Variants in TFEB observed in about 807,000 individuals in gnomAD.
TFEB encodes the protein T-cell transcription factor EB.
Under a neutral mutation model 48.0 loss-of-function variants are expected in TFEB, and 12 were observed. The observed-to-expected ratio is 0.25, with a 90% CI of 0.16 to 0.40. The LOEUF (loss-of-function observed/expected upper bound fraction) is 0.40. TFEB is among the 10% of genes least tolerant of loss of function. TFEB has a pLI of 1.00. For missense variants in TFEB, 509 were observed against 640.3 expected (o/e 0.79, Z 2.21); for synonymous variants, 244 against 261.4 (o/e 0.93, Z 0.64).
intron 1 of TFEB, among the ~76,000 whole-genome samples, chr6:41,716,222 A>T (rs1422287597): frequency 6.6e-6 from 1 of 152,218 alleles, no homozygotes; most frequent in Non-Finnish European, 1.5e-5. Context: ...AAGTTTACAC[A>T]GCTAGGAAAG....
chr6:41,687,241 A>C, intron 6 of TFEB, 72 bp from the exon 7 acceptor site: 1 of 1,473,570 alleles, frequency 6.8e-7, no homozygotes, highest in Non-Finnish European at 9.5e-7. Context: ...AGAAGTACCC[A>C]GCCCAGGGAG....
chr6:41,717,772 A>C (rs1014322504), intron 1 of TFEB, among the ~76,000 whole-genome samples: 5 of 152,208 alleles, frequency 3.3e-5, no homozygotes, highest in Non-Finnish European at 2.9e-5. Flanking sequence ...GAAGAGGAAG[A>C]GGTATCCTGG....
chr6:41,728,545 G>T (rs1771309431), intron 1 of TFEB, among the ~76,000 whole-genome samples: 1 of 152,150 alleles, frequency 6.6e-6, no homozygotes, highest in Admixed American at 6.5e-5. Flanking sequence ...CACCCCTCAG[G>T]GACTGTGGGG....
chr6:41,690,945 AGGG>A, intron 2 of TFEB, 28 bp from the exon 3 acceptor site: 1 of 1,516,044 alleles, frequency 6.6e-7, no homozygotes, highest in Non-Finnish European at 9.0e-7. Context: ...CAAGGGCTCT[AGGG>A]GAGGCTGGGA....
chr6:41,700,368 A>C (rs1000381486), intron 1 of TFEB, among the ~76,000 whole-genome samples: 7 of 150,254 alleles, frequency 4.7e-5, no homozygotes, highest in Non-Finnish European at 8.9e-5. Context: ...CAAGAGGCTG[A>C]GGCAGGAGAA....
intron 7 of TFEB, chr6:41,686,496 C>A: frequency 8.6e-6 from 3 of 348,228 alleles, no homozygotes; most frequent in East Asian, 4.6e-5. Flanking sequence ...GACTCCAGCC[C>A]AGCCTACCTT....
rs537488054 is a variant in TFEB, at chr6:41,702,486, G to A, written c.-22-11251C>T. 1.4e-4 allele frequency among the ~76,000 whole-genome samples: 21 copies of A among 152,228 alleles called. No individual in the cohort carries two copies. In the East Asian group the frequency reaches 3.5e-3, roughly 25 times the overall value. On this transcript the variant is annotated intron_variant, in intron 1 of 8. Transcript: ENST00000373033. ...ATAGATGGCTCCTAGGACAGGAAAG[G>A]GGCCTGAGGGCGATAGAGGGGTTTA...
chr6:41,699,287 C>G (rs1769769735), intron 1 of TFEB, among the ~76,000 whole-genome samples: 1 of 152,232 alleles, frequency 6.6e-6, no homozygotes, highest in Non-Finnish European at 1.5e-5. Flanking sequence ...TTCAGTGTTG[C>G]TCCGTCCAGG....
chr6:41,688,290 C>T (rs940914144), intron 4 of TFEB: 2 of 422,242 alleles, frequency 4.7e-6, no homozygotes, highest in Non-Finnish European at 8.5e-6. Flanking sequence ...TAGGATTAGG[C>T]CCCAGGCATT....
At chr6:41,715,363 C>T (rs1404094898) in intron 1 of TFEB, among the ~76,000 whole-genome samples, 1 of 152,110 alleles carries the variant, frequency 6.6e-6, no homozygotes, top group Non-Finnish European at 1.5e-5. Flanking sequence ...CACAGCAACA[C>T]CCCCACTCCC....
Position 41,734,904 on chromosome 6 carries a change from G to C in TFEB, c.-23+446C>G, listed in dbSNP as rs1400378609. ...GCCCCCGCACACCTCCCCTACCTCC[G>C]ACCCCCTCTCAGGCATCGCCGGCCC... On this transcript the variant is annotated intron_variant, in intron 1 of 8. Coordinates refer to ENST00000373033, the MANE Select transcript of TFEB (RefSeq NM_001271944.2). The surrounding 1 kb of genome is among the most constrained non-coding windows in gnomAD (Gnocchi z 4.0). 34 of 981,436 alleles carry C rather than the reference G, an allele frequency of 3.5e-5. No individual in the cohort carries two copies. In the African/African-American group the frequency reaches 4.8e-4, roughly 14 times the overall value. 60.8% of individuals were successfully genotyped at this position (981,436 alleles called of 1,614,324 possible).
At chr6:41,733,801 G>C (rs1771551534) in intron 1 of TFEB, 1 of 985,344 alleles carries the variant, frequency 1.0e-6, no homozygotes, top group South Asian at 4.7e-5. Flanking sequence ...CCTGAGGACT[G>C]TCTCCCAGTC....
At chr6:41,713,664 C>T (rs1654083747) in intron 1 of TFEB, among the ~76,000 whole-genome samples, 1 of 152,168 alleles carries the variant, frequency 6.6e-6, no homozygotes, top group South Asian at 2.1e-4. Flanking sequence ...AGCCAGGCCA[C>T]CTTACTCCTC....
At chr6:41,736,092 A>G, upstream of TFEB, 1 of 1,610,864 alleles carries the variant, frequency 6.2e-7, no homozygotes, top group Non-Finnish European at 8.5e-7. Flanking sequence ...GTAAAATATG[A>G]CAGTAGAAGG....
In TFEB at chr6:41,724,004, G is replaced by T. The variant is rs1771102883; in HGVS notation, c.-23+11346C>A. 2.1e-6 allele frequency: 1 copy of T among 480,598 alleles called. No homozygotes were observed. 29.8% of individuals were successfully genotyped at this position (480,598 alleles called of 1,614,324 possible). A position where few individuals can be genotyped will look rare whatever the true frequency, so the allele number is the denominator to read the frequency against. On this transcript the variant is annotated intron_variant, in intron 1 of 8. Transcript: ENST00000373033. This position sits in a 1 kb window ranked among gnomAD's most constrained non-coding sequence, Gnocchi z 4.4. Reference sequence around the variant, plus strand: ...CTTCCTGACTGGCCATACACCTGCAGTCTTGGCCTTGGGCCTTCCCAGGGC... The same window carrying T: ...CTTCCTGACTGGCCATACACCTGCATTCTTGGCCTTGGGCCTTCCCAGGGC...
rs1771577797 is a variant in TFEB at position 41,734,292 on chromosome 6, C to T, written c.-23+1058G>A. ...GGGTTCGCGCAGACAAGCCCCGCCC[C>T]GGGCTCCCTCCCTTCCTCACCCGGG... On this transcript the variant is annotated intron_variant, in intron 1 of 8. Coordinates refer to ENST00000373033, the MANE Select transcript of TFEB (RefSeq NM_001271944.2). This position sits in a 1 kb window ranked among gnomAD's most constrained non-coding sequence, Gnocchi z 4.0. 9 of 967,286 alleles carry T rather than the reference C, an allele frequency of 9.3e-6. No individual in the cohort carries two copies. Among genetic ancestry groups the T allele is most frequent in the Non-Finnish European group, 8.6e-6 (7 of 813,620 alleles). The allele number at this position is 967,286 out of a possible 1,614,324, so 59.9% of individuals were successfully genotyped here.
At chr6:41,718,656 TC>T (rs1479266677) in intron 1 of TFEB, among the ~76,000 whole-genome samples, 1 of 151,240 alleles carries the variant, frequency 6.6e-6, no homozygotes, top group African/African-American at 2.4e-5. Flanking sequence ...ATCTCCCCAT[TC>T]CCCCAACCCC....
chr6:41,685,180 G>C (rs567405110), intron 8 of TFEB, 102 bp from the exon 9 acceptor site: 2 of 1,320,882 alleles, frequency 1.5e-6, no homozygotes, highest in African/African-American at 1.5e-5. Context: ...CTGCCCTACG[G>C]CACCCAAGAC....
At chr6:41,712,139 C>T (rs2127251112) in intron 1 of TFEB, among the ~76,000 whole-genome samples, 1 of 152,286 alleles carries the variant, frequency 6.6e-6, no homozygotes, top group South Asian at 2.1e-4. Context: ...AGAGCCTGTC[C>T]TCCAGCTCTG....
Sources: allele counts gnomAD v4.1 joint callset (sites outside exome capture counted in the v4.1 genomes callset), GRCh38; gene constraint gnomAD v4.1.1; non-coding constraint Gnocchi (gnomAD v3.1); transcripts MANE v1.5; gene names NCBI Gene and HGNC (gene_info 2026-07-23, HGNC 2026-07-21).